DPP10: variants seen among roughly 807,000 people sequenced by gnomAD.
DPP10 encodes dipeptidyl peptidase like 10, also known as inactive dipeptidyl peptidase 10.
DPP10 carries 33 observed loss-of-function variants against 120.9 expected under a neutral mutation model. That is an observed-to-expected ratio of 0.27 (90% CI 0.21 to 0.37). The LOEUF (loss-of-function observed/expected upper bound fraction) is 0.37. DPP10 is among the 10% of genes least tolerant of loss of function. The pLI, the probability that DPP10 is intolerant of heterozygous loss-of-function variation, is 1.00. For missense variants in DPP10, 816 were observed against 942.8 expected, an observed-to-expected ratio of 0.87 and a Z score of 1.76; for synonymous variants, 337 against 326.1, an observed-to-expected ratio of 1.03 and a Z score of -0.36.
intron 3 of DPP10, among the ~76,000 whole-genome samples, chr2:115,425,733 T>C (rs1290093287): frequency 6.6e-6 from 1 of 152,158 alleles, no homozygotes; most frequent in Non-Finnish European, 1.5e-5. Flanking sequence ...TATAAAGAAA[T>C]ACCTGAGACT....
intron 1 of DPP10, among the ~76,000 whole-genome samples, chr2:114,764,066 G>T (rs1026516608): frequency 6.6e-6 from 1 of 152,146 alleles, no homozygotes; most frequent in African/African-American, 2.4e-5. Flanking sequence ...AGGATCAAAA[G>T]CTTGCTCTCT....
intron 1 of DPP10, among the ~76,000 whole-genome samples, chr2:114,799,416 T>A (rs1683999957): frequency 1.3e-5 from 2 of 152,208 alleles, no homozygotes; most frequent in South Asian, 4.1e-4. Context: ...TTCATTGTGA[T>A]CACCACCAGG....
chr2:115,776,361 G>A (rs1165716636), intron 13 of DPP10, among the ~76,000 whole-genome samples: 1 of 152,112 alleles, frequency 6.6e-6, no homozygotes, highest in Non-Finnish European at 1.5e-5. Flanking sequence ...AGAACATGCA[G>A]TGTTTGGTTT....
At chr2:114,607,152 C>T (rs1040087498) in intron 1 of DPP10, among the ~76,000 whole-genome samples, 19 of 152,140 alleles carry the variant, frequency 1.2e-4, no homozygotes, top group Non-Finnish European at 2.6e-4. Context: ...AAACAAATAA[C>T]AGGGTTCTCA....
chr2:115,375,073 C>T (rs1574606855), intron 3 of DPP10, among the ~76,000 whole-genome samples: 1 of 152,160 alleles, frequency 6.6e-6, no homozygotes, highest in Admixed American at 6.5e-5. Context: ...ATGGGTTTTT[C>T]TTTTCTACTA....
chr2:114,824,214 C>CT (rs1394286183), intron 1 of DPP10, among the ~76,000 whole-genome samples: 3 of 152,290 alleles, frequency 2.0e-5, no homozygotes, highest in African/African-American at 4.8e-5. Context: ...AGTGTTAATA[C>CT]TGTGAAATGA....
At chr2:115,498,716 A>T (rs1333650843) in intron 3 of DPP10, among the ~76,000 whole-genome samples, 1 of 170 alleles carries the variant, frequency 5.9e-3, no homozygotes, top group Non-Finnish European at 0.017. Context: ...ATGTATAATT[A>T]TATATATATA....
intron 7 of DPP10, among the ~76,000 whole-genome samples, chr2:115,720,088 C>T (rs1416540097): frequency 6.6e-6 from 1 of 152,168 alleles, no homozygotes; most frequent in Non-Finnish European, 1.5e-5. Flanking sequence ...GACCTATGCT[C>T]AGCTTTGGTA....
intron 1 of DPP10, among the ~76,000 whole-genome samples, chr2:115,079,850 T>C (rs1489789635): frequency 6.6e-6 from 1 of 152,172 alleles, no homozygotes; most frequent in Non-Finnish European, 1.5e-5. Context: ...ATCAGATTGA[T>C]TTTCCAGAAA....
At chr2:114,810,369 A>C (rs1395675295) in intron 1 of DPP10, among the ~76,000 whole-genome samples, 1 of 152,216 alleles carries the variant, frequency 6.6e-6, no homozygotes, top group Non-Finnish European at 1.5e-5. Context: ...CTTCTGGAGA[A>C]GTTTAAATGT....
intron 1 of DPP10, among the ~76,000 whole-genome samples, chr2:114,645,454 C>T (rs973806241): frequency 2.6e-5 from 4 of 152,178 alleles, no homozygotes; most frequent in African/African-American, 7.2e-5. Context: ...GTACTGTTTA[C>T]AGCACGAGAA....
At chr2:114,889,608 A>G (rs1574424286) in intron 1 of DPP10, among the ~76,000 whole-genome samples, 1 of 152,070 alleles carries the variant, frequency 6.6e-6, no homozygotes, top group Non-Finnish European at 1.5e-5. Flanking sequence ...GGGTAGTTTC[A>G]TAAGGCTATT....
rs547013050 is a variant in DPP10 at position 115,390,032 on chromosome 2, G to A, written c.271+46120G>A. Among the ~76,000 whole-genome samples the A allele has an allele frequency of 2.0e-5, 3 of 152,260 alleles. No individual in the cohort carries two copies. The South Asian group carries it at 6.2e-4, about 32-fold the overall frequency. The stretch of plus-strand genomic sequence containing the variant: ...TTCTTTGTTAGAGATGGACAAAGTA[G>A]TTCTATATACAACAAGGTTATTTGC... On this transcript the variant is annotated intron_variant, in intron 3 of 25. Coordinates refer to ENST00000410059, the MANE Select transcript of DPP10 (RefSeq NM_020868.6).
At chr2:114,965,152 T>C in intron 1 of DPP10, among the ~76,000 whole-genome samples, 1 of 152,064 alleles carries the variant, frequency 6.6e-6, no homozygotes, top group Non-Finnish European at 1.5e-5. Flanking sequence ...TCTTTCTTTT[T>C]TTTGGACGGA....
chr2:115,326,269 AT>A (rs1250888210), intron 2 of DPP10, among the ~76,000 whole-genome samples: 2 of 152,044 alleles, frequency 1.3e-5, no homozygotes, highest in Non-Finnish European at 2.9e-5. Context: ...TAAAGTTCTT[AT>A]CCCCTAGTGA....
At chr2:115,480,525 C>T (rs2075364663) in intron 3 of DPP10, among the ~76,000 whole-genome samples, 1 of 152,040 alleles carries the variant, frequency 6.6e-6, no homozygotes, top group Admixed American at 6.6e-5. Flanking sequence ...TTGATAGGAA[C>T]AAAAATGGTG....
At chr2:114,680,366 A>G (rs1429779594) in intron 1 of DPP10, among the ~76,000 whole-genome samples, 1 of 151,960 alleles carries the variant, frequency 6.6e-6, no homozygotes, top group Non-Finnish European at 1.5e-5. Flanking sequence ...ATCTGATCTT[A>G]TAAGACTGGG....
intron 1 of DPP10, among the ~76,000 whole-genome samples, chr2:114,665,334 A>T (rs1214027884): frequency 6.6e-6 from 1 of 152,088 alleles, no homozygotes; most frequent in Non-Finnish European, 1.5e-5. Flanking sequence ...ATCCCTGCAC[A>T]TCCTTCTCAC....
chr2:114,634,476 G>A lies in DPP10; in HGVS notation c.60+191638G>A, dbSNP rs915761431. On this transcript the variant is annotated intron_variant, in intron 1 of 25. Transcript: ENST00000410059. The stretch of plus-strand genomic sequence containing the variant: ...ACATGGCCACAGAGTGGAGGAGATA[G>A]GATTTAACCCAGAGCAGTCTGGTTG... Among the ~76,000 whole-genome samples, 40 of 151,776 alleles carry A rather than the reference G, an allele frequency of 2.6e-4. 1 individual carries two copies. The highest frequency in any genetic ancestry group is 9.2e-4 in the African/African-American group (38 of 41,082).
Sources: gnomAD v4.1 joint callset for allele counts (sites outside exome capture counted in the v4.1 genomes callset) on GRCh38, gnomAD v4.1.1 for gene constraint, MANE v1.5 for transcripts, NCBI Gene and HGNC (gene_info 2026-07-23, HGNC 2026-07-21) for gene names.